Variants in ARHGAP26 observed in about 807,000 individuals in gnomAD.
The protein encoded by ARHGAP26 is rho GTPase-activating protein 26.
A neutral mutation model predicts 104.8 loss-of-function variants in ARHGAP26; 38 were observed. That is an observed-to-expected ratio of 0.36 (90% CI 0.28 to 0.48). The LOEUF is 0.48. ARHGAP26 is among the 20% of genes least tolerant of loss of function. ARHGAP26 has a pLI of 0.99. For synonymous variants in ARHGAP26, 341 were observed against 340.0 expected, an observed-to-expected ratio of 1.00 and a Z score of -0.03; for missense variants, 704 against 947.9, an observed-to-expected ratio of 0.74 and a Z score of 3.38.
At chr5:142,801,781 C>T (rs1762120362) in intron 1 of ARHGAP26, among the ~76,000 whole-genome samples, 1 of 152,092 alleles carries the variant, frequency 6.6e-6, no homozygotes. Context: ...ACGAAAGTAC[C>T]TTGTCTTAAA....
At chr5:142,799,218 G>A (rs910370062) in intron 1 of ARHGAP26, among the ~76,000 whole-genome samples, 4 of 151,848 alleles carry the variant, frequency 2.6e-5, no homozygotes, top group African/African-American at 9.7e-5. Context: ...ATATTGTAAT[G>A]TATCTTTATT....
rs570903327 is a variant in ARHGAP26 at position 142,792,049 on chromosome 5, G to A, written c.154+21134G>A. On this transcript the variant is annotated intron_variant, in intron 1 of 22. Coordinates refer to ENST00000645722, the MANE Select transcript of ARHGAP26 (RefSeq NM_001135608.3). ...AAGCCTCCTAATCAATTACAAAAGA[G>A]TCATTTTTCACTTTCCTTTAAAATT... 2.6e-5 allele frequency among the ~76,000 whole-genome samples: 4 copies of A among 151,288 alleles called. No homozygotes were observed. In the South Asian group the frequency reaches 8.4e-4, roughly 32 times the overall value.
At chr5:143,187,099 T>C (rs1273980551) in intron 20 of ARHGAP26, among the ~76,000 whole-genome samples, 1 of 152,174 alleles carries the variant, frequency 6.6e-6, no homozygotes, top group Non-Finnish European at 1.5e-5. Flanking sequence ...TCTCCTTTAA[T>C]TATCACCAAT....
At chr5:143,029,495 C>T (rs556040227) in intron 12 of ARHGAP26, among the ~76,000 whole-genome samples, 16 of 145,650 alleles carry the variant, frequency 1.1e-4, no homozygotes, top group Non-Finnish European at 1.6e-4. Context: ...ACCTCAACCT[C>T]GTGGGCTCAA....
chr5:143,063,950 C>T (rs1787113031), intron 17 of ARHGAP26, among the ~76,000 whole-genome samples: 2 of 152,202 alleles, frequency 1.3e-5, no homozygotes, highest in South Asian at 4.1e-4. Context: ...AGGGGATGGG[C>T]AGTCTGTCTC....
rs1446691349 is a variant in ARHGAP26, at chr5:142,884,366, A to AC, written c.385-929dup. On this transcript the variant is annotated intron_variant, in intron 4 of 22. Transcript: ENST00000645722. ...GGGAGATAGAAATAGAACCACAGTG[A>AC]CCCAATGATTCAGTGGTGGGGAGCA... is the stretch of plus-strand genomic sequence containing the variant. 4.6e-5 allele frequency among the ~76,000 whole-genome samples: 7 copies of AC among 152,344 alleles called. No individual in the cohort carries two copies. The East Asian group carries it at 1.3e-3, about 29-fold the overall frequency.
intron 1 of ARHGAP26, among the ~76,000 whole-genome samples, chr5:142,790,180 T>A (rs560673204): frequency 3.5e-4 from 54 of 152,264 alleles, no homozygotes; most frequent in African/African-American, 9.6e-4. Context: ...TAGTGTAAAG[T>A]ACCATGATGG....
intron 19 of ARHGAP26, among the ~76,000 whole-genome samples, chr5:143,134,833 G>A (rs1247600088): frequency 2.0e-5 from 3 of 152,262 alleles, no homozygotes; most frequent in Admixed American, 6.5e-5. Flanking sequence ...CTCATAGGAA[G>A]TTATGCGAAT....
At chr5:143,188,920 G>C (rs73796982) in intron 20 of ARHGAP26, among the ~76,000 whole-genome samples, 3,631 of 152,322 alleles carry the variant, frequency 0.024, 146 homozygotes, top group African/African-American at 0.081. Context: ...CAGAAGAAGA[G>C]AAGTCCCTGG....
At chr5:142,929,511 C>G (rs1391776202) in intron 10 of ARHGAP26, among the ~76,000 whole-genome samples, 1 of 152,150 alleles carries the variant, frequency 6.6e-6, no homozygotes, top group Non-Finnish European at 1.5e-5. Context: ...GATAGTTCAC[C>G]CTTTTTATCT....
At chr5:142,885,109 G>A (rs1757525185) in intron 4 of ARHGAP26, among the ~76,000 whole-genome samples, 189 bp from the exon 5 acceptor site, 2 of 152,196 alleles carry the variant, frequency 1.3e-5, no homozygotes, top group South Asian at 4.1e-4. Flanking sequence ...CCTGGTTGGT[G>A]CCTCTCTGCT....
At chr5:142,878,970 A>G (rs538796157) in intron 3 of ARHGAP26, among the ~76,000 whole-genome samples, 53 of 152,202 alleles carry the variant, frequency 3.5e-4, no homozygotes, top group African/African-American at 1.2e-3. Context: ...TTCTTTGTTT[A>G]TTTGTTTTTA....
rs78147773 is a variant in ARHGAP26, at chr5:143,118,340, G to A, written c.1539-2648G>A. Reference sequence around the variant, plus strand: ...ATTCACCCAACTTCTTCTTTTTTTTGAAGATGAGGAACCCAAAGCTTAGAA... The same window carrying A: ...ATTCACCCAACTTCTTCTTTTTTTTAAAGATGAGGAACCCAAAGCTTAGAA... On this transcript the variant is annotated intron_variant, in intron 17 of 22. Transcript: ENST00000645722. Among the ~76,000 whole-genome samples the A allele has an allele frequency of 3.6e-3, 547 of 151,904 alleles. 14 individuals carry two copies. The East Asian group carries it at 0.068, about 19-fold the overall frequency.
intron 11 of ARHGAP26, among the ~76,000 whole-genome samples, chr5:142,969,806 C>A (rs1488460007): frequency 1.3e-5 from 2 of 152,066 alleles, no homozygotes; most frequent in African/African-American, 4.8e-5. Context: ...GGTTGAGGAC[C>A]TCTGTACTTA....
At chr5:142,944,085 C>T (rs1026306075) in intron 11 of ARHGAP26, among the ~76,000 whole-genome samples, 1 of 152,024 alleles carries the variant, frequency 6.6e-6, no homozygotes, top group African/African-American at 2.4e-5. Context: ...GTAGTCATGC[C>T]TGGGTTTGTA....
At chr5:143,116,000 T>TC in intron 17 of ARHGAP26, among the ~76,000 whole-genome samples, 1 of 444 alleles carries the variant, frequency 2.3e-3, no homozygotes, top group East Asian at 0.062. Flanking sequence ...AAAAATAGAA[T>TC]CGACAGGATA....
At chr5:142,913,161 T>C in intron 9 of ARHGAP26, 38 bp from the exon 10 acceptor site, 1 of 1,558,472 alleles carries the variant, frequency 6.4e-7, no homozygotes, top group Non-Finnish European at 8.9e-7. Flanking sequence ...AGAGCTCCCA[T>C]TCTGGCCTCA....
At chr5:143,209,851 C>T (rs1375722460) in intron 21 of ARHGAP26, among the ~76,000 whole-genome samples, 1 of 151,768 alleles carries the variant, frequency 6.6e-6, no homozygotes, top group African/African-American at 2.4e-5. Flanking sequence ...GACAGCAACA[C>T]TGCTGAGGAG....
chr5:143,092,219 A>G (rs773359381), intron 17 of ARHGAP26, among the ~76,000 whole-genome samples: 1 of 137,882 alleles, frequency 7.3e-6, no homozygotes, highest in African/African-American at 2.7e-5. Flanking sequence ...GCTGGAGTGC[A>G]GTGGCACGAT....
Sources: allele counts gnomAD v4.1 joint callset (sites outside exome capture counted in the v4.1 genomes callset), GRCh38; gene constraint gnomAD v4.1.1; transcripts MANE v1.5; gene names NCBI Gene and HGNC (gene_info 2026-07-23, HGNC 2026-07-21).